Variants in COL4A1 observed in about 807,000 individuals in gnomAD.
The protein encoded by COL4A1 is collagen type IV alpha 1 chain.
COL4A1 carries 40 observed loss-of-function variants against 216.6 expected under a neutral mutation model. The observed-to-expected ratio is 0.18, with a 90% confidence interval of 0.14 to 0.24. The LOEUF is 0.24. COL4A1 is among the 10% of genes least tolerant of loss of function. The probability of loss-of-function intolerance (pLI) is 1.00; values close to 1 mark genes in which losing one functional copy is unlikely to be tolerated. For synonymous variants in COL4A1, 839 were observed against 810.7 expected (o/e 1.03, Z -0.59); for missense variants, 1,628 against 2,196.8 (o/e 0.74, Z 5.18).
At chr13:110,231,206 G>A (rs1180924989) in intron 2 of COL4A1, among the ~76,000 whole-genome samples, 4 of 152,210 alleles carry the variant, frequency 2.6e-5, no homozygotes, top group Non-Finnish European at 5.9e-5. Context: ...GCCCCACATG[G>A]GGACACAGAG....
At chr13:110,156,085 T>TA (rs1373977351) in intron 49 of COL4A1, among the ~76,000 whole-genome samples, 1 of 152,136 alleles carries the variant, frequency 6.6e-6, no homozygotes, top group Non-Finnish European at 1.5e-5. Context: ...AAATATTGTT[T>TA]AAAAAATAGA....
At chr13:110,193,616 G>A (rs910004922) in intron 22 of COL4A1, among the ~76,000 whole-genome samples, 1 of 152,244 alleles carries the variant, frequency 6.6e-6, no homozygotes, top group Non-Finnish European at 1.5e-5. Context: ...CCCATGCCAG[G>A]GACATCGAGG....
intron 1 of COL4A1, among the ~76,000 whole-genome samples, chr13:110,275,129 C>G (rs377030077): frequency 6.6e-6 from 1 of 152,046 alleles, no homozygotes; most frequent in South Asian, 2.1e-4. Context: ...GAAATACAAG[C>G]CACAGAAAAT....
intron 1 of COL4A1, among the ~76,000 whole-genome samples, chr13:110,245,242 G>A (rs1046429352): frequency 1.4e-4 from 21 of 152,156 alleles, no homozygotes; most frequent in African/African-American, 4.8e-4. Context: ...CCATCACCAG[G>A]TCATCTCCAA....
Position 110,166,760 on chromosome 13 carries a change from C to A in COL4A1, c.3949+398G>T, listed in dbSNP as rs557441466. ...TGATTCACACATGTCCCCAGTTGGA[C>A]CACAAGACACCTTGAGGCTGCGACC... On this transcript the variant is annotated intron_variant, in intron 44 of 51. Transcript: ENST00000375820. 3.3e-4 allele frequency among the ~76,000 whole-genome samples: 50 copies of A among 152,302 alleles called. 1 individual carries two copies. In the South Asian group the frequency reaches 0.01, roughly 32 times the overall value.
chr13:110,286,005 C>T (rs910470783), intron 1 of COL4A1, among the ~76,000 whole-genome samples: 5 of 152,268 alleles, frequency 3.3e-5, no homozygotes, highest in Middle Eastern at 3.4e-3. Flanking sequence ...TTAATTTTTG[C>T]CCCAGATTCT....
intron 2 of COL4A1, among the ~76,000 whole-genome samples, chr13:110,217,691 C>T (rs1880156814): frequency 6.6e-6 from 1 of 152,128 alleles, no homozygotes; most frequent in Non-Finnish European, 1.5e-5. Flanking sequence ...AAAGGAAAAT[C>T]ATACGCCAAA....
At chr13:110,170,491 C>T in intron 42 of COL4A1, 56 bp downstream of exon 42, 1 of 1,525,168 alleles carries the variant, frequency 6.6e-7, no homozygotes, top group Non-Finnish European at 8.9e-7. Flanking sequence ...TACGCTATTT[C>T]CTTTTGTGAA....
Position 110,150,425 on chromosome 13 carries a change from A to G in COL4A1, c.4948T>C (p.Leu1650=). 1 of 1,614,088 alleles carries G rather than the reference A, an allele frequency of 6.2e-7. No homozygotes were observed. The highest frequency in any genetic ancestry group is 8.5e-7 in the Non-Finnish European group (1 of 1,180,020). ...EMFKKPTPST[L]KAGELRTHVS... ...TGCGTGCGCAGCTCCCCTGCCTTCA[A>G]GGTGGACGGCGTAGGCTTCCTAAAA... The change falls in exon 52 of 52, where the codon TTG becomes CTG. Residue 1650 remains leucine, a synonymous_variant. Transcript: ENST00000375820.
chr13:110,198,956 A>G lies in COL4A1; in HGVS notation c.1121-325T>C, dbSNP rs147239109. On this transcript the variant is annotated intron_variant, in intron 20 of 51. Transcript: ENST00000375820. The stretch of plus-strand genomic sequence containing the variant: ...GGTGCACTGCATTTCTACTTGGCCA[A>G]TGAGGGCATAGAAATGTCATTCAAC... Among the ~76,000 whole-genome samples, 31 of 152,350 alleles carry G rather than the reference A, an allele frequency of 2.0e-4. No individual in the cohort carries two copies. The East Asian group carries it at 4.6e-3, about 23-fold the overall frequency.
intron 32 of COL4A1, 36 bp downstream of exon 32, chr13:110,178,028 A>C: frequency 6.2e-7 from 1 of 1,614,164 alleles, no homozygotes; most frequent in Middle Eastern, 1.6e-4. Flanking sequence ...CCATGTCTTC[A>C]TGATGGATCC....
At chr13:110,241,936 T>G (rs2139244942) in intron 2 of COL4A1, among the ~76,000 whole-genome samples, 1 of 152,338 alleles carries the variant, frequency 6.6e-6, no homozygotes, top group East Asian at 1.9e-4. Flanking sequence ...CAACCTGCTG[T>G]GCGCACCTGC....
At chr13:110,238,083 A>G (rs1291587501) in intron 2 of COL4A1, among the ~76,000 whole-genome samples, 2 of 152,232 alleles carry the variant, frequency 1.3e-5, no homozygotes, top group Admixed American at 1.3e-4. Context: ...TGATGACAAT[A>G]TTATTGCAAT....
Position 110,207,531 on chromosome 13 carries a change from A to C in COL4A1, c.694-42T>G. ...GTAAAATTAATTAGGCATGAAAACA[A>C]TTATGCAGACATGAAAAATTGCAGA... On this transcript the variant is annotated intron_variant, in intron 12 of 51. Coordinates refer to ENST00000375820, the MANE Select transcript of COL4A1 (RefSeq NM_001845.6). This position sits in a 1 kb window ranked among gnomAD's most constrained non-coding sequence, Gnocchi z 4.4. 2.0e-6 allele frequency: 3 copies of C among 1,518,602 alleles called. No homozygotes were observed. The highest frequency in any genetic ancestry group is 4.5e-5 in the East Asian group (2 of 44,402). 94.1% of individuals were successfully genotyped at this position (1,518,602 alleles called of 1,614,324 possible).
intron 1 of COL4A1, among the ~76,000 whole-genome samples, chr13:110,272,605 C>T (rs1594107848): frequency 2.6e-5 from 4 of 152,168 alleles, no homozygotes; most frequent in Admixed American, 2.6e-4. Flanking sequence ...CTCAGCATTG[C>T]ACACATGGAT....
chr13:110,287,179 T>C (rs923026499), intron 1 of COL4A1, among the ~76,000 whole-genome samples: 3 of 152,198 alleles, frequency 2.0e-5, no homozygotes, highest in African/African-American at 7.2e-5. Context: ...GAGACGCACT[T>C]TTCCCCACTA....
intron 1 of COL4A1, among the ~76,000 whole-genome samples, chr13:110,291,707 C>T (rs549805240): frequency 4.6e-5 from 7 of 152,296 alleles, no homozygotes; most frequent in East Asian, 1.9e-4. Context: ...TGACCAGACC[C>T]GGCTTCTTTA....
chr13:110,205,589 G>C (rs371703423), intron 15 of COL4A1, 51 bp from the exon 16 acceptor site: 2 of 1,597,724 alleles, frequency 1.3e-6, no homozygotes, highest in Non-Finnish European at 1.7e-6. Flanking sequence ...TAGACTGCGC[G>C]CGGTGGCTCA....
intron 1 of COL4A1, among the ~76,000 whole-genome samples, chr13:110,285,089 G>T (rs769957366): frequency 1.3e-5 from 2 of 152,354 alleles, no homozygotes; most frequent in Admixed American, 6.5e-5. Flanking sequence ...ACTCTGAGCA[G>T]TGTTTGGATC....
Sources: allele counts gnomAD v4.1 joint callset (sites outside exome capture counted in the v4.1 genomes callset), GRCh38; gene constraint gnomAD v4.1.1; non-coding constraint Gnocchi (gnomAD v3.1); transcripts MANE v1.5; gene names NCBI Gene and HGNC (gene_info 2026-07-23, HGNC 2026-07-21).